Variants in FSTL5 observed in about 807,000 individuals in gnomAD.
FSTL5 encodes follistatin like 5, also known as follistatin-related protein 5.
FSTL5 carries 62 observed loss-of-function variants against 89.1 expected under a neutral mutation model. That is an observed-to-expected ratio of 0.70 (90% CI 0.57 to 0.86). The LOEUF is 0.86. Among genes scored for constraint, FSTL5 ranks in the 40% least tolerant of loss-of-function variants. FSTL5 has a pLI of 0.00. For synonymous variants in FSTL5, 383 were observed against 346.2 expected (o/e 1.11, Z -1.18); for missense variants, 1,057 against 1,001.6 (o/e 1.06, Z -0.75).
intron 7 of FSTL5, among the ~76,000 whole-genome samples, chr4:161,646,811 C>A (rs1232911564): frequency 6.6e-6 from 1 of 152,136 alleles, no homozygotes; most frequent in African/African-American, 2.4e-5. Flanking sequence ...TACAAATGAT[C>A]ATCTTTTAAT....
intron 4 of FSTL5, among the ~76,000 whole-genome samples, chr4:161,855,296 A>G (rs1215818488): frequency 6.6e-6 from 1 of 152,032 alleles, no homozygotes; most frequent in East Asian, 1.9e-4. Context: ...ATTCAGAGCT[A>G]CTCTGTATTC....
intron 3 of FSTL5, among the ~76,000 whole-genome samples, chr4:161,978,195 T>C (rs577139250): frequency 6.6e-6 from 1 of 152,312 alleles, no homozygotes; most frequent in African/African-American, 2.4e-5. Context: ...ATTATTTATG[T>C]CCCATTTAAG....
intron 7 of FSTL5, among the ~76,000 whole-genome samples, chr4:161,654,747 T>C (rs1039192707): frequency 3.3e-5 from 5 of 152,094 alleles, no homozygotes; most frequent in Non-Finnish European, 2.9e-5. Flanking sequence ...GATGGCTTTC[T>C]TGAATGAGGA....
intron 3 of FSTL5, among the ~76,000 whole-genome samples, chr4:161,972,803 A>C (rs1735523140): frequency 2.0e-5 from 3 of 152,236 alleles, no homozygotes. Flanking sequence ...GTGGTAATTT[A>C]TTACCAGAAA....
chr4:161,774,623 A>C (rs1741334767), intron 5 of FSTL5, among the ~76,000 whole-genome samples: 1 of 152,036 alleles, frequency 6.6e-6, no homozygotes, highest in Admixed American at 6.6e-5. Flanking sequence ...AATAAAAACT[A>C]AAATAACAAC....
chr4:161,821,933 T>G (rs1730507838), intron 4 of FSTL5, among the ~76,000 whole-genome samples: 1 of 152,172 alleles, frequency 6.6e-6, no homozygotes, highest in African/African-American at 2.4e-5. Context: ...CTTCTTTTCT[T>G]CTGGGTAGGT....
At position 161,705,969 on chromosome 4, in the gene FSTL5, TATATATATATATATATATATATATATAC is replaced by T. The variant is rs1428212158; in HGVS notation, c.728-49503_728-49476del. ...AGATGTGTGTATATATATATATATA[TATATATATATATATATATATATATATAC>T]ACACATCTACACACACACAGACTAT... On this transcript the variant is annotated intron_variant, in intron 6 of 15. Coordinates refer to ENST00000306100, the MANE Select transcript of FSTL5 (RefSeq NM_020116.5). 1.1e-3 allele frequency among the ~76,000 whole-genome samples: 79 copies of T among 72,982 alleles called. 3 individuals are homozygous for T. Among genetic ancestry groups the T allele is most frequent in the African/African-American group, 3.6e-3 (56 of 15,568 alleles). 47.9% of individuals were successfully genotyped at this position (72,982 alleles called of 152,430 possible).
chr4:161,860,267 G>A (rs549773604), intron 4 of FSTL5, among the ~76,000 whole-genome samples: 10 of 148,944 alleles, frequency 6.7e-5, no homozygotes, highest in East Asian at 6.0e-4. Context: ...CAGCCTAGGC[G>A]ACAGAGCGAG....
At chr4:161,592,478 T>C (rs572626669) in intron 7 of FSTL5, among the ~76,000 whole-genome samples, 2 of 149,830 alleles carry the variant, frequency 1.3e-5, no homozygotes, top group East Asian at 4.1e-4. Flanking sequence ...CCTGTGTCCA[T>C]GTGTTCTATT....
rs867069405 is a variant in FSTL5, at chr4:161,783,689, T to C, written c.410-7615A>G. Among the ~76,000 whole-genome samples, 63 of 25,918 alleles carry C rather than the reference T, an allele frequency of 2.4e-3. 1 individual carries two copies. Among genetic ancestry groups the C allele is most frequent in the Admixed American group, 4.4e-3 (8 of 1,824 alleles). The allele number at this position is 25,918 out of a possible 152,430, so 17.0% of individuals were successfully genotyped here. ...TCTTTCTTTCTTTCTCTTTCTTTCTTTCTTTCTTTCTTTCTTTCTTTCTTT... is the reference window on the plus strand; with the variant it reads ...TCTTTCTTTCTTTCTCTTTCTTTCTCTCTTTCTTTCTTTCTTTCTTTCTTT... On this transcript the variant is annotated intron_variant, in intron 4 of 15. Transcript: ENST00000306100.
intron 7 of FSTL5, among the ~76,000 whole-genome samples, chr4:161,630,277 C>A (rs1331392832): frequency 6.6e-6 from 1 of 152,188 alleles, no homozygotes; most frequent in Non-Finnish European, 1.5e-5. Context: ...CGGTGAGTTA[C>A]TGCCAGCTCT....
At chr4:162,155,260 C>A (rs1282060007) in intron 1 of FSTL5, among the ~76,000 whole-genome samples, 1 of 152,058 alleles carries the variant, frequency 6.6e-6, no homozygotes, top group Non-Finnish European at 1.5e-5. Flanking sequence ...CTTTAAAAGC[C>A]GGGTTAGAGG....
intron 15 of FSTL5, among the ~76,000 whole-genome samples, chr4:161,453,976 A>G (rs1389740882): frequency 6.6e-6 from 1 of 152,156 alleles, no homozygotes; most frequent in Non-Finnish European, 1.5e-5. Flanking sequence ...TGACAAATAT[A>G]TCAAACTTTG....
intron 1 of FSTL5, among the ~76,000 whole-genome samples, chr4:162,135,692 C>T (rs1732495136): frequency 6.6e-6 from 1 of 152,048 alleles, no homozygotes; most frequent in South Asian, 2.1e-4. Flanking sequence ...TCCATGAGAT[C>T]AGAGATTATA....
intron 3 of FSTL5, among the ~76,000 whole-genome samples, chr4:162,002,586 T>C (rs1578936727): frequency 1.3e-5 from 2 of 152,314 alleles, no homozygotes; most frequent in East Asian, 3.9e-4. Context: ...TGTTTCATGG[T>C]AGTCACATAG....
At position 162,029,906 on chromosome 4, in the gene FSTL5, CTTTTTTTTTTT is replaced by C. The variant is rs67266989; in HGVS notation, c.160+3708_160+3718del. On this transcript the variant is annotated intron_variant, in intron 3 of 15. Transcript: ENST00000306100. Reference sequence around the variant, plus strand: ...TGGCAATATTGATCTAAATTATTTCCTTTTTTTTTTTTTTTTTTTTTAAGAGACAGAGTCTT... The same window carrying C: ...TGGCAATATTGATCTAAATTATTTCCTTTTTTTTTTAAGAGACAGAGTCTT... 6.0e-4 allele frequency among the ~76,000 whole-genome samples: 87 copies of C among 144,244 alleles called. 3 individuals are homozygous for C. The East Asian group carries it at 0.015, about 25-fold the overall frequency. The allele number at this position is 144,244 out of a possible 152,430, so 94.6% of individuals were successfully genotyped here. A position where few individuals can be genotyped will look rare whatever the true frequency, so the allele number is the denominator to read the frequency against.
intron 8 of FSTL5, among the ~76,000 whole-genome samples, chr4:161,543,339 T>C (rs1731897362): frequency 6.6e-6 from 1 of 151,934 alleles, no homozygotes; most frequent in African/African-American, 2.4e-5. Context: ...ATTGGTAACA[T>C]GGTACAAACT....
intron 5 of FSTL5, among the ~76,000 whole-genome samples, chr4:161,765,799 ATT>A (rs796552249): frequency 7.0e-6 from 1 of 143,844 alleles, no homozygotes; most frequent in Non-Finnish European, 1.5e-5. Context: ...TCTAATATGC[ATT>A]TTTTTTTTTT....
At chr4:161,919,076 C>T (rs1733919733) in intron 4 of FSTL5, among the ~76,000 whole-genome samples, 1 of 151,920 alleles carries the variant, frequency 6.6e-6, no homozygotes. Flanking sequence ...TTCATAGTGT[C>T]AAGTATCAGT....
Sources: gnomAD v4.1 joint callset for allele counts (sites outside exome capture counted in the v4.1 genomes callset) on GRCh38, gnomAD v4.1.1 for gene constraint, MANE v1.5 for transcripts, NCBI Gene and HGNC (gene_info 2026-07-23, HGNC 2026-07-21) for gene names.